Variants in PTCHD4 observed in about 807,000 individuals in gnomAD.
The protein encoded by PTCHD4 is patched domain containing 4, also known as patched domain-containing protein 4.
Under a neutral mutation model 58.1 loss-of-function variants are expected in PTCHD4, and 33 were observed. The ratio of observed to expected loss-of-function variants is 0.57; its 90% confidence interval spans 0.43 to 0.76. The LOEUF (loss-of-function observed/expected upper bound fraction) is 0.76, where lower values mean the gene tolerates loss of function less well. Among genes scored for constraint, PTCHD4 ranks in the 30% least tolerant of loss-of-function variants. PTCHD4 has a pLI of 0.00. For synonymous variants in PTCHD4, 478 were observed against 409.6 expected, an observed-to-expected ratio of 1.17 and a Z score of -2.02; for missense variants, 1,058 against 1,027.1, an observed-to-expected ratio of 1.03 and a Z score of -0.41.
chr6:47,878,530 G>T lies in PTCHD4; in HGVS notation c.2305C>A (p.Pro769Thr), dbSNP rs772954331. 1 of 1,613,408 alleles carries T rather than the reference G, an allele frequency of 6.2e-7. No homozygotes were observed. The highest frequency in any genetic ancestry group is 1.3e-5 in the African/African-American group (1 of 74,998). Reference protein sequence around the residue: ...NVTSFLIGLVPLLFVPSNLTF... With the variant: ...NVTSFLIGLVTLLFVPSNLTF... Reference sequence around the variant, plus strand: ...AGGTTCGAAGGCACAAATAGAAGGGGGACTAACCCAATAAGAAAAGAAGTA... The same window carrying T: ...AGGTTCGAAGGCACAAATAGAAGGGTGACTAACCCAATAAGAAAAGAAGTA... Residue 769 changes from proline (P) to threonine (T), a missense_variant, in exon 5 of 5, where the codon CCC (proline) becomes ACC (threonine). Coordinates refer to ENST00000339488, the MANE Select transcript of PTCHD4 (RefSeq NM_001384253.1).
At chr6:47,931,900 T>C (rs1765836121) in intron 4 of PTCHD4, among the ~76,000 whole-genome samples, 2 of 152,230 alleles carry the variant, frequency 1.3e-5, no homozygotes, top group South Asian at 4.2e-4. Context: ...GTCATTTTAG[T>C]GGTGAGAAAA....
chr6:48,104,429 C>T (rs1357700650), intron 1 of PTCHD4, among the ~76,000 whole-genome samples: 1 of 152,066 alleles, frequency 6.6e-6, no homozygotes, highest in Non-Finnish European at 1.5e-5. Context: ...CCAGGCCTGC[C>T]CTAAAAGAGC....
chr6:47,923,518 A>G (rs549070025), intron 4 of PTCHD4, among the ~76,000 whole-genome samples: 2 of 152,336 alleles, frequency 1.3e-5, no homozygotes, highest in Admixed American at 1.3e-4. Context: ...ATTTCCAACC[A>G]GATGTCTTTA....
chr6:47,909,731 C>T (rs998654779), intron 4 of PTCHD4, among the ~76,000 whole-genome samples: 1 of 152,070 alleles, frequency 6.6e-6, no homozygotes, highest in Non-Finnish European at 1.5e-5. Context: ...TATGAGCCAC[C>T]ATGCCTGGAC....
intron 4 of PTCHD4, among the ~76,000 whole-genome samples, chr6:47,939,009 G>C (rs564294836): frequency 7.2e-5 from 11 of 152,258 alleles, no homozygotes; most frequent in Non-Finnish European, 1.3e-4. Flanking sequence ...AGTGTTCAGA[G>C]AGGGAATGCA....
At chr6:48,026,381 T>C (rs901852794) in intron 3 of PTCHD4, among the ~76,000 whole-genome samples, 31 of 152,182 alleles carry the variant, frequency 2.0e-4, no homozygotes, top group Non-Finnish European at 1.5e-4. Context: ...ATCTCCTTTT[T>C]GTTAACATGA....
intron 1 of PTCHD4, among the ~76,000 whole-genome samples, chr6:48,083,636 G>A (rs185664286): frequency 1.5e-4 from 23 of 152,298 alleles, no homozygotes; most frequent in Non-Finnish European, 2.9e-4. Context: ...TGGAGTCAGA[G>A]AGATGCAGCA....
chr6:48,052,006 A>G (rs1327942071), intron 3 of PTCHD4, among the ~76,000 whole-genome samples: 1 of 152,012 alleles, frequency 6.6e-6, no homozygotes, highest in African/African-American at 2.4e-5. Flanking sequence ...GTTTCTGAAA[A>G]AGAAAGCCTG....
intron 4 of PTCHD4, among the ~76,000 whole-genome samples, chr6:47,910,322 A>G (rs1278390839): frequency 1.3e-5 from 2 of 152,120 alleles, no homozygotes; most frequent in Admixed American, 6.6e-5. Context: ...CAAGATGGAG[A>G]ATCCATTAGT....
chr6:47,959,718 G>T (rs1035181409), intron 4 of PTCHD4, among the ~76,000 whole-genome samples: 37 of 151,792 alleles, frequency 2.4e-4, no homozygotes, highest in African/African-American at 8.4e-4. Context: ...GAAAATTTTT[G>T]ATCAGAAAAA....
At chr6:47,918,550 G>A (rs1245557483) in intron 4 of PTCHD4, among the ~76,000 whole-genome samples, 2 of 151,732 alleles carry the variant, frequency 1.3e-5, no homozygotes, top group Non-Finnish European at 2.9e-5. Flanking sequence ...TAGAATATTT[G>A]CACAATATTT....
chr6:47,864,910 G>A lies in PTCHD4; in HGVS notation c.*13393C>T, dbSNP rs1388333654. 1.3e-5 allele frequency among the ~76,000 whole-genome samples: 2 copies of A among 150,730 alleles called. No homozygotes were observed. The highest frequency in any genetic ancestry group is 4.9e-5 in the African/African-American group (2 of 41,092). ...CTTTGTCCAGTGCTGACATAACATT[G>A]CAATACTACATCTTTATGGTAGAAT... On this transcript the variant is annotated 3_prime_UTR_variant, in exon 5 of 5. Coordinates refer to ENST00000339488, the MANE Select transcript of PTCHD4 (RefSeq NM_001384253.1).
chr6:48,011,229 C>T (rs897519194), intron 3 of PTCHD4, among the ~76,000 whole-genome samples: 1 of 152,176 alleles, frequency 6.6e-6, no homozygotes, highest in Non-Finnish European at 1.5e-5. Context: ...TCCACATCCT[C>T]TCCAGCATCT....
At chr6:48,041,616 TA>T (rs1376226301) in intron 3 of PTCHD4, among the ~76,000 whole-genome samples, 2 of 152,040 alleles carry the variant, frequency 1.3e-5, no homozygotes, top group Non-Finnish European at 2.9e-5. Context: ...CTGTGCTTGC[TA>T]AAGATGTTAT....
chr6:47,921,657 C>G (rs1167298794), intron 4 of PTCHD4, among the ~76,000 whole-genome samples: 1 of 152,112 alleles, frequency 6.6e-6, no homozygotes, highest in Non-Finnish European at 1.5e-5. Context: ...AATATAAACA[C>G]GATGACTGCA....
chr6:48,018,857 A>G (rs548589316), intron 3 of PTCHD4, among the ~76,000 whole-genome samples: 20 of 152,356 alleles, frequency 1.3e-4, no homozygotes, highest in Admixed American at 5.9e-4. Context: ...CTAACGCAGG[A>G]GCATTTGAGG....
intron 4 of PTCHD4, among the ~76,000 whole-genome samples, chr6:47,884,913 T>G (rs951747476): frequency 6.6e-6 from 1 of 152,184 alleles, no homozygotes; most frequent in Admixed American, 6.5e-5. Flanking sequence ...CTGTAAACTA[T>G]GAAGAGGTAG....
intron 3 of PTCHD4, among the ~76,000 whole-genome samples, chr6:48,049,398 CT>C (rs1562026662): frequency 1.3e-5 from 2 of 151,888 alleles, no homozygotes; most frequent in Non-Finnish European, 2.9e-5. Context: ...TCCAAGGTGG[CT>C]TTCTGTGTCT....
chr6:47,924,041 C>T (rs1765517825), intron 4 of PTCHD4, among the ~76,000 whole-genome samples: 1 of 152,134 alleles, frequency 6.6e-6, no homozygotes, highest in Admixed American at 6.6e-5. Context: ...TTGACACTGC[C>T]CTAAATATTT....
Sources: gnomAD v4.1 joint callset for allele counts (sites outside exome capture counted in the v4.1 genomes callset) on GRCh38, gnomAD v4.1.1 for gene constraint, MANE v1.5 for transcripts, NCBI Gene and HGNC (gene_info 2026-07-23, HGNC 2026-07-21) for gene names.